The following FRMD3 variants were observed in gnomAD, a reference collection of about 807,000 sequenced individuals.
FRMD3 encodes the protein FERM domain-containing protein 3.
A neutral mutation model predicts 70.2 loss-of-function variants in FRMD3; 33 were observed. That is an observed-to-expected ratio of 0.47 (90% CI 0.36 to 0.63). The LOEUF is 0.63. Ranked by LOEUF, FRMD3 falls within the 20% of genes least tolerant of loss-of-function variation. The pLI is 0.00. For missense variants in FRMD3, 632 were observed against 711.4 expected, an observed-to-expected ratio of 0.89 and a Z score of 1.27; for synonymous variants, 279 against 255.9, an observed-to-expected ratio of 1.09 and a Z score of -0.86.
At chr9:83,317,321 A>G (rs1347977054) in intron 6 of FRMD3, among the ~76,000 whole-genome samples, 1 of 152,008 alleles carries the variant, frequency 6.6e-6, no homozygotes, top group Non-Finnish European at 1.5e-5. Flanking sequence ...TCTGGCCCTC[A>G]ATGCAAAACT....
downstream of FRMD3, chr9:83,243,317 G>A (rs994911838): frequency 8.3e-7 from 1 of 1,207,620 alleles, no homozygotes; most frequent in South Asian, 1.3e-5. Flanking sequence ...TCTCCACCCT[G>A]TAGAGAGTGG....
At chr9:83,353,436 T>G (rs903075260) in intron 3 of FRMD3, among the ~76,000 whole-genome samples, 1 of 152,206 alleles carries the variant, frequency 6.6e-6, no homozygotes, top group Non-Finnish European at 1.5e-5. Flanking sequence ...TCCCCCAAAA[T>G]GCTGATCTAG....
intron 12 of FRMD3, among the ~76,000 whole-genome samples, chr9:83,292,187 C>G (rs1167692942): frequency 6.9e-6 from 1 of 144,382 alleles, no homozygotes; most frequent in African/African-American, 2.6e-5. Flanking sequence ...GAGACAGAGT[C>G]TCGCTCTGTC....
chr9:83,315,425 G>A (rs766158830), intron 6 of FRMD3, among the ~76,000 whole-genome samples: 6 of 152,082 alleles, frequency 3.9e-5, no homozygotes, highest in Non-Finnish European at 7.4e-5. Context: ...ATCTCATGTC[G>A]AATTGTAATC....
rs548793822 is a variant in FRMD3 at position 83,333,221 on chromosome 9, C to A, written c.596+2295G>T. ...ATACACAGGGAAATAGCCCCTGAAGCTGTCCTTGCAAGGTGATATGATTCC... is the reference window on the plus strand; with the variant it reads ...ATACACAGGGAAATAGCCCCTGAAGATGTCCTTGCAAGGTGATATGATTCC... On this transcript the variant is annotated intron_variant, in intron 6 of 13. Coordinates refer to ENST00000304195, the MANE Select transcript of FRMD3 (RefSeq NM_174938.6). Among the ~76,000 whole-genome samples, 25 of 152,356 alleles carry A rather than the reference C, an allele frequency of 1.6e-4. No homozygotes were observed. The South Asian group carries it at 5.2e-3, about 32-fold the overall frequency.
At chr9:83,346,433 C>T (rs1007774328) in intron 4 of FRMD3, among the ~76,000 whole-genome samples, 19 of 152,156 alleles carry the variant, frequency 1.2e-4, no homozygotes, top group East Asian at 7.7e-4. Context: ...AGTGAAAAGA[C>T]GCCAGACCCA....
chr9:83,286,118 G>T (rs145914389), intron 13 of FRMD3, among the ~76,000 whole-genome samples: 1 of 152,292 alleles, frequency 6.6e-6, no homozygotes, highest in African/African-American at 2.4e-5. Flanking sequence ...CTGCCCAGCT[G>T]TCTTTGAGAA....
chr9:83,375,015 T>C (rs1263176590), intron 2 of FRMD3, among the ~76,000 whole-genome samples: 1 of 152,226 alleles, frequency 6.6e-6, no homozygotes, highest in Non-Finnish European at 1.5e-5. Context: ...TTTGGCATTC[T>C]TTCAACTCCT....
At chr9:83,474,200 C>G (rs1337063631) in intron 1 of FRMD3, among the ~76,000 whole-genome samples, 1 of 152,172 alleles carries the variant, frequency 6.6e-6, no homozygotes. Flanking sequence ...GCAAAAACAT[C>G]AGCATGACAA....
intron 1 of FRMD3, among the ~76,000 whole-genome samples, chr9:83,399,512 G>T (rs551888455): frequency 6.6e-6 from 1 of 150,966 alleles, no homozygotes; most frequent in South Asian, 2.1e-4. Flanking sequence ...TCTTGTTCCA[G>T]ATTTTCGTGC....
intron 2 of FRMD3, among the ~76,000 whole-genome samples, chr9:83,377,691 A>G (rs1175289085): frequency 1.3e-5 from 2 of 151,914 alleles, no homozygotes. Flanking sequence ...CATGACTGTA[A>G]GCTCCCTGAT....
At chr9:83,454,741 C>G (rs1827770429) in intron 1 of FRMD3, among the ~76,000 whole-genome samples, 2 of 152,198 alleles carry the variant, frequency 1.3e-5, no homozygotes, top group African/African-American at 4.8e-5. Flanking sequence ...ATCACACAAC[C>G]CACCAGCCAC....
At position 83,384,387 on chromosome 9, in the gene FRMD3, G is replaced by A. The variant is rs1175731789; in HGVS notation, c.252+5217C>T. 2.6e-5 allele frequency among the ~76,000 whole-genome samples: 4 copies of A among 152,268 alleles called. No homozygotes were observed. In the East Asian group the frequency reaches 5.8e-4, roughly 22 times the overall value. ...GGAGCAGCTGGTGGGACATAATGCT[G>A]TCTGGCTTCCTGGCACCATCCCCAG... On this transcript the variant is annotated intron_variant, in intron 2 of 13. Transcript: ENST00000304195.
intron 2 of FRMD3, among the ~76,000 whole-genome samples, chr9:83,385,489 T>G (rs1326672185): frequency 1.3e-5 from 2 of 152,190 alleles, no homozygotes; most frequent in African/African-American, 4.8e-5. Context: ...ACTCAGTGTT[T>G]CCCATTTCCA....
At position 83,538,050 on chromosome 9, in the gene FRMD3, G is replaced by A. The variant is rs1829938555; in HGVS notation, c.147+35C>T. 2 of 1,602,076 alleles carry A rather than the reference G, an allele frequency of 1.2e-6. No individual in the cohort carries two copies. Among genetic ancestry groups the A allele is most frequent in the Non-Finnish European group, 1.7e-6 (2 of 1,172,658 alleles). Reference sequence around the variant, plus strand: ...AAAGGCCCCCCGCCCTGCTCCCGGCGTGTGCCCCGCGCCCTCGCCCGGTTC... The same window carrying A: ...AAAGGCCCCCCGCCCTGCTCCCGGCATGTGCCCCGCGCCCTCGCCCGGTTC... On this transcript the variant is annotated intron_variant, in intron 1 of 13. Transcript: ENST00000304195. This position sits in a 1 kb window ranked among gnomAD's most constrained non-coding sequence, Gnocchi z 4.7.
intron 1 of FRMD3, among the ~76,000 whole-genome samples, chr9:83,473,980 G>A (rs573757954): frequency 1.1e-4 from 16 of 152,292 alleles, no homozygotes; most frequent in African/African-American, 3.4e-4. Context: ...CTTTCTTAGA[G>A]GTTGTGACTG....
intron 1 of FRMD3, among the ~76,000 whole-genome samples, chr9:83,465,567 T>A (rs1053616874): frequency 6.6e-6 from 1 of 152,234 alleles, no homozygotes; most frequent in African/African-American, 2.4e-5. Flanking sequence ...TGTTTTTCAT[T>A]TTTCCAGATT....
intron 13 of FRMD3, among the ~76,000 whole-genome samples, chr9:83,276,863 C>T (rs1210777989): frequency 6.6e-6 from 1 of 152,180 alleles, no homozygotes; most frequent in Non-Finnish European, 1.5e-5. Flanking sequence ...GTGCCCACCA[C>T]CATGCATGGC....
chr9:83,505,126 C>G (rs886701406), intron 1 of FRMD3, among the ~76,000 whole-genome samples: 6 of 152,136 alleles, frequency 3.9e-5, no homozygotes, highest in African/African-American at 1.4e-4. Flanking sequence ...AGTCCCCCTC[C>G]TACAATAATG....
Sources: gnomAD v4.1 joint callset for allele counts (sites outside exome capture counted in the v4.1 genomes callset) on GRCh38, gnomAD v4.1.1 for gene constraint, Gnocchi (gnomAD v3.1) non-coding constraint, MANE v1.5 for transcripts, NCBI Gene and HGNC (gene_info 2026-07-23, HGNC 2026-07-21) for gene names.